NAALADL2: variants seen among roughly 807,000 people sequenced by gnomAD.
The protein encoded by NAALADL2 is N-acetylated alpha-linked acidic dipeptidase like 2, also known as inactive N-acetylated-alpha-linked acidic dipeptidase-like protein 2.
NAALADL2 carries 76 observed loss-of-function variants against 87.2 expected under a neutral mutation model. That is an observed-to-expected ratio of 0.87 (90% CI 0.72 to 1.05). NAALADL2 has a LOEUF of 1.05. NAALADL2 is among the 50% of genes least tolerant of loss of function. NAALADL2 has a pLI of 0.00. For missense variants in NAALADL2, 1,089 were observed against 945.8 expected, an observed-to-expected ratio of 1.15 and a Z score of -1.99; for synonymous variants, 354 against 331.0, an observed-to-expected ratio of 1.07 and a Z score of -0.75.
intron 4 of NAALADL2, among the ~76,000 whole-genome samples, chr3:175,320,328 G>T (rs548421993): frequency 5.3e-5 from 8 of 152,284 alleles, no homozygotes; most frequent in Admixed American, 4.6e-4. Context: ...TGCTTACCAA[G>T]GAACAGAGAG....
intron 3 of NAALADL2, among the ~76,000 whole-genome samples, chr3:174,791,997 C>T (rs1691196359): frequency 6.6e-6 from 1 of 151,914 alleles, no homozygotes; most frequent in Non-Finnish European, 1.5e-5. Context: ...TCACTTGAGG[C>T]CAGGAGTTCG....
At chr3:174,707,477 T>C (rs1730198668) in intron 2 of NAALADL2, among the ~76,000 whole-genome samples, 2 of 152,030 alleles carry the variant, frequency 1.3e-5, no homozygotes, top group African/African-American at 4.8e-5. Context: ...TAAAAAAGGA[T>C]GAGTTCATGT....
rs578092124 is a variant in NAALADL2, at chr3:174,624,768, G to A, written c.-115+74131G>A. Reference sequence around the variant, plus strand: ...ACCATTTTCATTTGTAACTTTGAAAGTGCCTTGTTAGTAGTCACTCAAAAA... The same window carrying A: ...ACCATTTTCATTTGTAACTTTGAAAATGCCTTGTTAGTAGTCACTCAAAAA... On this transcript the variant is annotated intron_variant, in intron 2 of 3. Transcript: ENST00000434257. Among the ~76,000 whole-genome samples the A allele has an allele frequency of 1.1e-4, 17 of 152,184 alleles. No homozygotes were observed. The South Asian group carries it at 3.3e-3, about 30-fold the overall frequency.
At chr3:175,333,607 G>T (rs559154013) in intron 5 of NAALADL2, among the ~76,000 whole-genome samples, 2 of 152,230 alleles carry the variant, frequency 1.3e-5, no homozygotes, top group African/African-American at 4.8e-5. Flanking sequence ...ATATGTAGGA[G>T]CTAAAAAATT....
intron 3 of NAALADL2, among the ~76,000 whole-genome samples, chr3:174,800,192 G>T (rs1033505508): frequency 3.9e-5 from 6 of 152,152 alleles, no homozygotes; most frequent in Non-Finnish European, 5.9e-5. Flanking sequence ...GTAACGAGGA[G>T]CTGAATGTTA....
chr3:174,857,948 C>CACAG (rs1177095737), upstream of NAALADL2, among the ~76,000 whole-genome samples: 1 of 151,648 alleles, frequency 6.6e-6, no homozygotes, highest in African/African-American at 2.4e-5. Flanking sequence ...CTGTACTTTA[C>CACAG]ACAACTTATA....
At chr3:175,173,095 A>G (rs896025779) in intron 2 of NAALADL2, among the ~76,000 whole-genome samples, 40 of 151,996 alleles carry the variant, frequency 2.6e-4, no homozygotes, top group African/African-American at 9.7e-4. Context: ...GTTCAGGATA[A>G]GCCTGGGCGA....
chr3:175,203,187 G>C (rs1202663534), intron 2 of NAALADL2, among the ~76,000 whole-genome samples: 1 of 152,052 alleles, frequency 6.6e-6, no homozygotes, highest in Non-Finnish European at 1.5e-5. Flanking sequence ...AGTTCAGCTG[G>C]AGATTAACTT....
chr3:175,210,801 T>C (rs1741663352), intron 2 of NAALADL2, among the ~76,000 whole-genome samples: 1 of 151,776 alleles, frequency 6.6e-6, no homozygotes, highest in African/African-American at 2.4e-5. Flanking sequence ...ATACTGCCTA[T>C]GTCATTTAAA....
chr3:175,604,009 A>G (rs2149648305), intron 10 of NAALADL2, among the ~76,000 whole-genome samples: 1 of 152,262 alleles, frequency 6.6e-6, no homozygotes, highest in Non-Finnish European at 1.5e-5. Flanking sequence ...AACAACAACA[A>G]CAACAAATAT....
chr3:175,316,315 T>G (rs1327575394), intron 4 of NAALADL2, among the ~76,000 whole-genome samples: 2 of 152,298 alleles, frequency 1.3e-5, no homozygotes, highest in African/African-American at 4.8e-5. Context: ...TTCCCTCTTT[T>G]GCCCACCCTC....
chr3:175,013,803 G>T lies in NAALADL2; in HGVS notation c.44-82987G>T, dbSNP rs1158152718. Among the ~76,000 whole-genome samples, 7 of 151,998 alleles carry T rather than the reference G, an allele frequency of 4.6e-5. No individual in the cohort carries two copies. In the Middle Eastern group the frequency reaches 0.01, roughly 222 times the overall value. On this transcript the variant is annotated intron_variant, in intron 1 of 13. Transcript: ENST00000454872. Reference sequence around the variant, plus strand: ...ACCCAGCTCTTTGGGACCAGGGGAGGTTTTCTTAAATTCCTTCCTCTCGCA... The same window carrying T: ...ACCCAGCTCTTTGGGACCAGGGGAGTTTTTCTTAAATTCCTTCCTCTCGCA...
At chr3:174,950,473 G>C (rs970144444) in intron 1 of NAALADL2, among the ~76,000 whole-genome samples, 23 of 152,116 alleles carry the variant, frequency 1.5e-4, no homozygotes, top group African/African-American at 5.1e-4. Context: ...AGTAGATTTT[G>C]TGTCATAGCC....
At chr3:174,838,560 G>C (rs1462637296) in intron 3 of NAALADL2, among the ~76,000 whole-genome samples, 4 of 152,168 alleles carry the variant, frequency 2.6e-5, no homozygotes, top group African/African-American at 4.8e-5. Flanking sequence ...AACTGTCGCT[G>C]TCTGCTGATA....
chr3:175,251,529 G>A (rs921735924), intron 3 of NAALADL2, among the ~76,000 whole-genome samples: 3 of 152,192 alleles, frequency 2.0e-5, no homozygotes, highest in Admixed American at 6.5e-5. Flanking sequence ...ATAGAGACCA[G>A]TAAGATGTGT....
At chr3:175,049,876 A>G (rs577087953) in intron 1 of NAALADL2, among the ~76,000 whole-genome samples, 1 of 152,382 alleles carries the variant, frequency 6.6e-6, no homozygotes, top group South Asian at 2.1e-4. Context: ...AATTAAATAC[A>G]GCAAGTTCTC....
intron 2 of NAALADL2, among the ~76,000 whole-genome samples, chr3:174,637,830 G>A (rs1722799757): frequency 6.6e-6 from 1 of 151,966 alleles, no homozygotes; most frequent in African/African-American, 2.4e-5. Flanking sequence ...ATAAAGCCAA[G>A]TCTTGATTTC....
chr3:175,404,513 G>A (rs1711942008), intron 5 of NAALADL2, among the ~76,000 whole-genome samples: 1 of 152,092 alleles, frequency 6.6e-6, no homozygotes, highest in Non-Finnish European at 1.5e-5. Context: ...CATATCCAAA[G>A]CAATGCAATG....
intron 5 of NAALADL2, among the ~76,000 whole-genome samples, chr3:175,389,820 C>G (rs1030977852): frequency 6.6e-6 from 1 of 152,152 alleles, no homozygotes; most frequent in Non-Finnish European, 1.5e-5. Flanking sequence ...TGACTTCACA[C>G]AGTGGCTCCA....
Sources: allele counts gnomAD v4.1 joint callset (sites outside exome capture counted in the v4.1 genomes callset), GRCh38; gene constraint gnomAD v4.1.1; transcripts MANE v1.5; gene names NCBI Gene and HGNC (gene_info 2026-07-23, HGNC 2026-07-21).